Variants in STX6 observed in about 807,000 individuals in gnomAD.
STX6 encodes syntaxin-6.
Under a neutral mutation model 38.0 loss-of-function variants are expected in STX6, and 23 were observed. The observed-to-expected ratio is 0.60, with a 90% CI of 0.43 to 0.86. The LOEUF (loss-of-function observed/expected upper bound fraction) is 0.86, where lower values mean the gene tolerates loss of function less well. Ranked by LOEUF, STX6 falls within the 40% of genes least tolerant of loss-of-function variation. STX6 has a pLI of 0.00. For missense variants in STX6, 274 were observed against 312.9 expected (o/e 0.88, Z 0.94); for synonymous variants, 123 against 107.5 (o/e 1.14, Z -0.89).
At chr1:180,982,321 G>T (rs1056090715) in intron 7 of STX6, among the ~76,000 whole-genome samples, 2 of 152,172 alleles carry the variant, frequency 1.3e-5, no homozygotes, top group South Asian at 4.1e-4. Context: ...GCACCAAGCA[G>T]GAAGAGGTCC....
chr1:180,994,977 T>G (rs1233125892), intron 3 of STX6, among the ~76,000 whole-genome samples: 1 of 151,942 alleles, frequency 6.6e-6, no homozygotes, highest in Non-Finnish European at 1.5e-5. Context: ...AATTTTTTTT[T>G]TTTTTTGAGA....
At chr1:180,999,043 T>C (rs1227243429) in intron 3 of STX6, among the ~76,000 whole-genome samples, 2 of 152,240 alleles carry the variant, frequency 1.3e-5, no homozygotes, top group Non-Finnish European at 2.9e-5. Context: ...TCATCTGTGC[T>C]CACACTGGAT....
intron 7 of STX6, among the ~76,000 whole-genome samples, chr1:180,979,499 A>T (rs2102299543): frequency 6.6e-6 from 1 of 152,354 alleles, no homozygotes; most frequent in South Asian, 2.1e-4. Context: ...TGCCAAAAAA[A>T]TGAAGTTGGA....
Position 180,972,874 on chromosome 1 carries a change from T to TAA in STX6, c.*3695_*3696insTT. ...ATTCTGGTTTGGTTTTATTTTTTAA[T>TAA]CAAAAAAAAAAAAAGGAGAGAAAGA... On this transcript the variant is annotated 3_prime_UTR_variant, in exon 8 of 8. Coordinates refer to ENST00000258301, the MANE Select transcript of STX6 (RefSeq NM_005819.6). The TAA allele has an allele frequency of 1.1e-5, 2 of 189,672 alleles. No homozygotes were observed. Among genetic ancestry groups the TAA allele is most frequent in the South Asian group, 7.5e-5 (1 of 13,420 alleles). The allele number at this position is 189,672 out of a possible 1,614,324, so 11.7% of individuals were successfully genotyped here.
intron 3 of STX6, among the ~76,000 whole-genome samples, chr1:180,998,093 A>G (rs776586067): frequency 6.6e-6 from 1 of 152,258 alleles, no homozygotes; most frequent in South Asian, 2.1e-4. Context: ...AAGAAAATGC[A>G]AAGTCTTGTG....
intron 6 of STX6, among the ~76,000 whole-genome samples, chr1:180,985,503 C>T (rs1655548776): frequency 6.6e-6 from 1 of 152,072 alleles, no homozygotes; most frequent in Non-Finnish European, 1.5e-5. Flanking sequence ...TATTATAAAC[C>T]CAGAAGGCCT....
rs1271884991 is a variant in STX6 at position 181,022,717 on chromosome 1, C to CG, written c.-45dup. 2 of 1,574,716 alleles carry CG rather than the reference C, an allele frequency of 1.3e-6. No individual in the cohort carries two copies. Among genetic ancestry groups the CG allele is most frequent in the Non-Finnish European group, 1.7e-6 (2 of 1,161,132 alleles). On this transcript the variant is annotated 5_prime_UTR_variant, in exon 1 of 8. Transcript: ENST00000258301. Reference sequence around the variant, plus strand: ...GCCTTCACCTCCTCCGCGCACAGGGCGCCCGTGCCTCCCGGTCTCCCTCCG... The same window carrying CG: ...GCCTTCACCTCCTCCGCGCACAGGGCGGCCCGTGCCTCCCGGTCTCCCTCCG...
In STX6 at chr1:180,976,641, G is replaced by T; in HGVS notation, c.697C>A (p.Arg233Ser). The T allele has an allele frequency of 1.2e-6, 2 of 1,613,348 alleles. No homozygotes were observed. The highest frequency in any genetic ancestry group is 1.7e-6 in the Non-Finnish European group (2 of 1,179,990). ...AGGATGGCTATGGCACACCATTGGC[G>T]CCGATCTGGAAGGCAGGACATGGGG... ...AKVSHMTSDR[R>S]QWCAIAILFA... The change falls in exon 8 of 8, where the codon CGC becomes AGC. Residue 233 changes from arginine to serine, a missense_variant. By Grantham distance (110) the Arg-to-Ser change is moderately radical (BLOSUM62 -1). Coordinates refer to ENST00000258301, the MANE Select transcript of STX6 (RefSeq NM_005819.6).
In STX6 at chr1:180,984,063, C is replaced by CAAAAAAAA. The variant is rs10625558; in HGVS notation, c.691+606_691+613dup. Among the ~76,000 whole-genome samples, 22 of 7,168 alleles carry CAAAAAAAA rather than the reference C, an allele frequency of 3.1e-3. 2 individuals carry two copies. Among genetic ancestry groups the CAAAAAAAA allele is most frequent in the South Asian group, 8.9e-3 (1 of 112 alleles). The allele number at this position is 7,168 out of a possible 152,430, so 4.7% of individuals were successfully genotyped here. A position where few individuals can be genotyped will look rare whatever the true frequency, so the allele number is the denominator to read the frequency against. On this transcript the variant is annotated intron_variant, in intron 7 of 7. Coordinates refer to ENST00000258301, the MANE Select transcript of STX6 (RefSeq NM_005819.6). Reference sequence around the variant, plus strand: ...TGGGCAACAGAGTGAGGCTCCATCTCAAAAAAAAAAAAAAAAAAAAAAAAA... The same window carrying CAAAAAAAA: ...TGGGCAACAGAGTGAGGCTCCATCTCAAAAAAAAAAAAAAAAAAAAAAAAAAAAAAAAA...
rs1179564030 is a variant in STX6, at chr1:180,983,135, A to G, written c.691+1542T>C. ...ATTTAATCCTCACAATTACCTGGAG[A>G]GGTAGGACTCAACATATTTTTACAG... On this transcript the variant is annotated intron_variant, in intron 7 of 7. Coordinates refer to ENST00000258301, the MANE Select transcript of STX6 (RefSeq NM_005819.6). Among the ~76,000 whole-genome samples the G allele has an allele frequency of 2.0e-5, 3 of 152,376 alleles. No individual in the cohort carries two copies. In the East Asian group the frequency reaches 5.8e-4, roughly 29 times the overall value.
chr1:181,001,268 A>G (rs768512717), intron 3 of STX6, among the ~76,000 whole-genome samples: 22 of 152,360 alleles, frequency 1.4e-4, no homozygotes, highest in Admixed American at 7.2e-4. Context: ...GTATGTTAGC[A>G]CTGGTATGAT....
In STX6 at chr1:180,982,205, T is replaced by G. The variant is rs79033097; in HGVS notation, c.691+2472A>C. On this transcript the variant is annotated intron_variant, in intron 7 of 7. Coordinates refer to ENST00000258301, the MANE Select transcript of STX6 (RefSeq NM_005819.6). ...CACACTTCGCTGTGCCTCCATAGGC[T>G]TCCTTTATGTACAGGTTTGATTACT... 2.4e-3 allele frequency among the ~76,000 whole-genome samples: 358 copies of G among 152,290 alleles called. 6 individuals carry two copies. The highest frequency in any genetic ancestry group is 8.3e-3 in the African/African-American group (345 of 41,546).
chr1:180,974,705 C>T lies in STX6; in HGVS notation c.*1865G>A, dbSNP rs1253103986. 1 of 152,660 alleles carries T rather than the reference C, an allele frequency of 6.6e-6. No homozygotes were observed. Among genetic ancestry groups the T allele is most frequent in the Non-Finnish European group, 1.5e-5 (1 of 68,042 alleles). The allele number at this position is 152,660 out of a possible 1,614,324, so 9.5% of individuals were successfully genotyped here. On this transcript the variant is annotated 3_prime_UTR_variant, in exon 8 of 8. Transcript: ENST00000258301. Reference sequence around the variant, plus strand: ...TATATTTTAATGCAAATCTAAGGATCATCCCCTTTCTTAGTTTATAGAAGA... The same window carrying T: ...TATATTTTAATGCAAATCTAAGGATTATCCCCTTTCTTAGTTTATAGAAGA...
rs1656775783 is a variant in STX6 at position 181,022,634 on chromosome 1, C to G, written c.35+5G>C. The G allele has an allele frequency of 3.1e-6, 5 of 1,609,682 alleles. No homozygotes were observed. Among genetic ancestry groups the G allele is most frequent in the Non-Finnish European group, 4.2e-6 (5 of 1,178,152 alleles). On this transcript the variant is annotated splice_donor_5th_base_variant and intron_variant, in intron 1 of 7. Transcript: ENST00000258301. ...CCTCCGGTGGAGCGCTCGGCCGACA[C>G]TCACCCTTTCACCACAAAGAAGGGG...
In STX6 at chr1:180,976,242, A is replaced by G. The variant is rs1051985410; in HGVS notation, c.*328T>C. On this transcript the variant is annotated 3_prime_UTR_variant, in exon 8 of 8. Coordinates refer to ENST00000258301, the MANE Select transcript of STX6 (RefSeq NM_005819.6). ...TGCATGGAATGAGCAACAGCAAAAC[A>G]CCAGTGGAGTCTGTAAGTCCCTCCT... The G allele has an allele frequency of 9.6e-6, 3 of 311,070 alleles. No homozygotes were observed. Among genetic ancestry groups the G allele is most frequent in the African/African-American group, 4.2e-5 (2 of 47,534 alleles). 19.3% of individuals were successfully genotyped at this position (311,070 alleles called of 1,614,324 possible).
At chr1:181,020,279 G>A (rs1043739519) in intron 1 of STX6, among the ~76,000 whole-genome samples, 2 of 152,092 alleles carry the variant, frequency 1.3e-5, no homozygotes, top group African/African-American at 4.8e-5. Flanking sequence ...AAAATTTAAT[G>A]TCCAAATTTA....
chr1:180,992,020 T>C lies in STX6; in HGVS notation c.363+1343A>G, dbSNP rs1013866941. Among the ~76,000 whole-genome samples, 109 of 151,158 alleles carry C rather than the reference T, an allele frequency of 7.2e-4. 1 individual carries two copies. Among genetic ancestry groups the C allele is most frequent in the Middle Eastern group, 3.4e-3 (1 of 290 alleles). On this transcript the variant is annotated intron_variant, in intron 4 of 7. Transcript: ENST00000258301. ...CTATACTATCTAGAGAATAAAACAT[T>C]CAAATTAAGAGTAACAGCATAGGTG...
At position 180,990,109 on chromosome 1, in the gene STX6, C is replaced by T; in HGVS notation, c.364G>A (p.Ala122Thr). 14 of 1,614,034 alleles carry T rather than the reference C, an allele frequency of 8.7e-6. No homozygotes were observed. Among genetic ancestry groups the T allele is most frequent in the Non-Finnish European group, 1.2e-5 (14 of 1,179,978 alleles). ...TGGCTGCCACTGTCTCCCAGCAGTG[C>T]CTGTGTGAGAAGAACAACCAGAGGA... ...QALAERKNRQALLGDSGSQNW... is the reference protein window; with the variant it reads ...QALAERKNRQTLLGDSGSQNW... The change falls in exon 5 of 8, where the codon GCA becomes ACA. Residue 122 changes from alanine to threonine, a missense_variant and splice_region_variant. Physicochemically the swap from Ala to Thr is moderately conservative, Grantham distance 58. Coordinates refer to ENST00000258301, the MANE Select transcript of STX6 (RefSeq NM_005819.6).
At position 181,018,853 on chromosome 1, in the gene STX6, G is replaced by T. The variant is rs1223912642; in HGVS notation, c.35+3786C>A. 3.9e-5 allele frequency among the ~76,000 whole-genome samples: 6 copies of T among 152,136 alleles called. No individual in the cohort carries two copies. In the East Asian group the frequency reaches 1.2e-3, roughly 29 times the overall value. ...TTCCTTGCTTTAAAAATCTGTAATG[G>T]CCTCAAGATGAGATTCTCCTTAGGC... On this transcript the variant is annotated intron_variant, in intron 1 of 7. Transcript: ENST00000258301.
Sources: allele counts gnomAD v4.1 joint callset (sites outside exome capture counted in the v4.1 genomes callset), GRCh38; gene constraint gnomAD v4.1.1; transcripts MANE v1.5; gene names NCBI Gene and HGNC (gene_info 2026-07-23, HGNC 2026-07-21).